Variants in RASAL2 observed in about 807,000 individuals in gnomAD.
RASAL2 encodes RAS protein activator like 2, also known as ras GTPase-activating protein nGAP.
RASAL2 carries 58 observed loss-of-function variants against 128.9 expected under a neutral mutation model. The observed-to-expected ratio is 0.45, with a 90% CI of 0.36 to 0.56. RASAL2 has a LOEUF of 0.56. Among genes scored for constraint, RASAL2 ranks in the 20% least tolerant of loss-of-function variants. The pLI is 0.00. For synonymous variants in RASAL2, 561 were observed against 580.8 expected, an observed-to-expected ratio of 0.97 and a Z score of 0.49; for missense variants, 1,360 against 1,601.6, an observed-to-expected ratio of 0.85 and a Z score of 2.57.
At chr1:178,161,189 G>A (rs1380942927) in intron 1 of RASAL2, among the ~76,000 whole-genome samples, 2 of 149,920 alleles carry the variant, frequency 1.3e-5, no homozygotes, top group Middle Eastern at 3.2e-3. Flanking sequence ...TTAGTACTTT[G>A]TACAATATCT....
At chr1:178,435,810 C>T (rs537605492) in intron 5 of RASAL2, among the ~76,000 whole-genome samples, 163 of 152,032 alleles carry the variant, frequency 1.1e-3, no homozygotes, top group African/African-American at 3.2e-3. Context: ...GATGATGGGG[C>T]AGTATGGGAA....
intron 3 of RASAL2, among the ~76,000 whole-genome samples, chr1:178,363,261 A>G (rs945543830): frequency 3.4e-4 from 52 of 152,188 alleles, no homozygotes; most frequent in African/African-American, 1.2e-3. Flanking sequence ...CCTGATGATT[A>G]GTGATGTTGA....
chr1:178,109,433 C>G (rs1024668782), intron 1 of RASAL2, among the ~76,000 whole-genome samples: 25 of 152,154 alleles, frequency 1.6e-4, no homozygotes, highest in Non-Finnish European at 2.9e-4. Context: ...CTCAGGAACA[C>G]TGTGGGCTCC....
At chr1:178,280,665 T>C (rs1557874227) in intron 1 of RASAL2, among the ~76,000 whole-genome samples, 1 of 152,124 alleles carries the variant, frequency 6.6e-6, no homozygotes, top group African/African-American at 2.4e-5. Flanking sequence ...TTTTAATGTT[T>C]CTAAAATTTA....
chr1:178,191,359 AC>A (rs1024760239), intron 1 of RASAL2, among the ~76,000 whole-genome samples: 2 of 151,912 alleles, frequency 1.3e-5, no homozygotes, highest in Non-Finnish European at 2.9e-5. Context: ...TGAAAAAAAA[AC>A]ACATACAAAA....
intron 3 of RASAL2, among the ~76,000 whole-genome samples, chr1:178,387,841 G>A (rs905328273): frequency 6.6e-6 from 1 of 152,110 alleles, no homozygotes; most frequent in Non-Finnish European, 1.5e-5. Flanking sequence ...TTGAAATGTG[G>A]CCACTAATTT....
intron 3 of RASAL2, among the ~76,000 whole-genome samples, chr1:178,369,159 A>ATTTTCTT (rs1671566248): frequency 6.6e-6 from 1 of 151,734 alleles, no homozygotes; most frequent in Non-Finnish European, 1.5e-5. Context: ...TGGGTGCCTC[A>ATTTTCTT]TTTTCTTTTT....
At chr1:178,460,327 T>C (rs1391345158) in intron 14 of RASAL2, among the ~76,000 whole-genome samples, 1 of 152,132 alleles carries the variant, frequency 6.6e-6, no homozygotes, top group Non-Finnish European at 1.5e-5. Context: ...TTGCTTACCC[T>C]TTCCTTCTGT....
chr1:178,322,993 C>G (rs1668866445), intron 3 of RASAL2, among the ~76,000 whole-genome samples: 1 of 152,196 alleles, frequency 6.6e-6, no homozygotes, highest in Non-Finnish European at 1.5e-5. Context: ...ATATCTTGCT[C>G]TGTTTTTCCA....
intron 1 of RASAL2, among the ~76,000 whole-genome samples, chr1:178,155,701 C>G (rs1263251581): frequency 1.3e-5 from 2 of 151,470 alleles, no homozygotes; most frequent in Non-Finnish European, 2.9e-5. Context: ...GGACTTTCTC[C>G]CTCCGTTCTG....
chr1:178,358,262 A>G (rs1193336127), intron 3 of RASAL2, among the ~76,000 whole-genome samples: 1 of 150,424 alleles, frequency 6.6e-6, no homozygotes, highest in Non-Finnish European at 1.5e-5. Flanking sequence ...AAAAAAAAAA[A>G]AAAAGGAAAG....
intron 1 of RASAL2, among the ~76,000 whole-genome samples, chr1:178,195,302 G>A (rs1004155172): frequency 1.1e-4 from 16 of 152,124 alleles, no homozygotes; most frequent in African/African-American, 2.2e-4. Context: ...CATAGTAGGC[G>A]TTTATTAAAT....
intron 1 of RASAL2, among the ~76,000 whole-genome samples, chr1:178,155,831 T>G (rs1287231222): frequency 6.6e-6 from 1 of 152,210 alleles, no homozygotes; most frequent in East Asian, 1.9e-4. Context: ...AGTTAGGCTC[T>G]ATTACATCTA....
At chr1:178,356,753 G>A (rs1670834505) in intron 3 of RASAL2, among the ~76,000 whole-genome samples, 1 of 152,158 alleles carries the variant, frequency 6.6e-6, no homozygotes, top group South Asian at 2.1e-4. Flanking sequence ...TGGAGTATTT[G>A]GGGAATCATT....
At chr1:178,350,153 G>A (rs1298001631) in intron 3 of RASAL2, among the ~76,000 whole-genome samples, 1 of 152,194 alleles carries the variant, frequency 6.6e-6, no homozygotes, top group Admixed American at 6.5e-5. Flanking sequence ...ATTTGTTGCT[G>A]TGTAAAAAGT....
intron 1 of RASAL2, among the ~76,000 whole-genome samples, chr1:178,256,809 GACTACA>G (rs1665370890): frequency 6.6e-6 from 1 of 152,048 alleles, no homozygotes; most frequent in Non-Finnish European, 1.5e-5. Context: ...GAGTAGCTGG[GACTACA>G]AGCATACGCC....
intron 1 of RASAL2, among the ~76,000 whole-genome samples, chr1:178,207,278 A>G (rs988950356): frequency 6.6e-6 from 1 of 152,220 alleles, no homozygotes; most frequent in African/African-American, 2.4e-5. Context: ...ATGGGAAAAA[A>G]TAAATACAGT....
intron 4 of RASAL2, among the ~76,000 whole-genome samples, chr1:178,406,645 TATAAC>T (rs919647268): frequency 1.2e-4 from 19 of 152,178 alleles, no homozygotes; most frequent in African/African-American, 4.6e-4. Context: ...TTTGAAATAA[TATAAC>T]AAGAAGGTAA....
At chr1:178,163,258 G>A (rs1488805779) in intron 1 of RASAL2, among the ~76,000 whole-genome samples, 1 of 152,112 alleles carries the variant, frequency 6.6e-6, no homozygotes, top group Non-Finnish European at 1.5e-5. Flanking sequence ...GAGCCCCTGT[G>A]TCTTTCTTTA....
Sources: gnomAD v4.1 joint callset for allele counts (sites outside exome capture counted in the v4.1 genomes callset) on GRCh38, gnomAD v4.1.1 for gene constraint, MANE v1.5 for transcripts, NCBI Gene and HGNC (gene_info 2026-07-23, HGNC 2026-07-21) for gene names.